Variants in FAM53B observed in about 807,000 individuals in gnomAD.
The protein encoded by FAM53B is family with sequence similarity 53 member B, also known as protein FAM53B.
In FAM53B, 12 loss-of-function variants were observed where a neutral mutation model predicts 32.7. The ratio of observed to expected loss-of-function variants is 0.37; its 90% CI spans 0.24 to 0.59. FAM53B has a LOEUF of 0.59. Ranked by LOEUF, FAM53B falls within the 20% of genes least tolerant of loss-of-function variation. The probability of loss-of-function intolerance (pLI) is 0.72; values close to 1 mark genes in which losing one functional copy is unlikely to be tolerated. For missense variants in FAM53B, 477 were observed against 577.7 expected (o/e 0.83, Z 1.79); for synonymous variants, 234 against 228.7 (o/e 1.02, Z -0.21).
At chr10:124,734,481 A>T (rs1589768322) in intron 1 of FAM53B, among the ~76,000 whole-genome samples, 1 of 152,172 alleles carries the variant, frequency 6.6e-6, no homozygotes, top group South Asian at 2.1e-4. Context: ...CATCCATGAG[A>T]CCAGAGGCAG....
At chr10:124,734,260 C>T (rs1950161922) in intron 1 of FAM53B, among the ~76,000 whole-genome samples, 1 of 152,248 alleles carries the variant, frequency 6.6e-6, no homozygotes, top group Admixed American at 6.5e-5. Flanking sequence ...TAAAATCAGA[C>T]ATTCGGTAGA....
In FAM53B at chr10:124,693,402, G is replaced by A. The variant is rs146767257; in HGVS notation, c.133+2756C>T. Among the ~76,000 whole-genome samples the A allele has an allele frequency of 2.2e-3, 335 of 151,836 alleles. 3 individuals carry two copies. The highest frequency in any genetic ancestry group is 7.4e-3 in the African/African-American group (308 of 41,378). Reference sequence around the variant, plus strand: ...GGAGAACTGCTTGAACCTGGGAGGCGGACGTTGCCGTGGGCCAAGATCACA... The same window carrying A: ...GGAGAACTGCTTGAACCTGGGAGGCAGACGTTGCCGTGGGCCAAGATCACA... On this transcript the variant is annotated intron_variant, in intron 3 of 4. Transcript: ENST00000337318.
intron 1 of FAM53B, among the ~76,000 whole-genome samples, chr10:124,711,618 A>G (rs1195062915): frequency 6.6e-6 from 1 of 152,248 alleles, no homozygotes; most frequent in Non-Finnish European, 1.5e-5. Context: ...TATGCTATAT[A>G]TAAGTTTTTA....
chr10:124,695,900 G>A (rs918335328), intron 3 of FAM53B, among the ~76,000 whole-genome samples: 1 of 152,194 alleles, frequency 6.6e-6, no homozygotes. Flanking sequence ...TGCATTTTCT[G>A]AATGAAAAAA....
intron 4 of FAM53B, among the ~76,000 whole-genome samples, chr10:124,652,535 C>T (rs1340930649): frequency 1.3e-5 from 2 of 152,214 alleles, no homozygotes; most frequent in Non-Finnish European, 2.9e-5. Context: ...CCAGCCACTT[C>T]CCTCCTCTGG....
chr10:124,654,683 TAC>T (rs907611917), intron 4 of FAM53B, among the ~76,000 whole-genome samples: 2 of 152,126 alleles, frequency 1.3e-5, no homozygotes, highest in African/African-American at 4.8e-5. Context: ...TCCCTTCCAC[TAC>T]AGAGGAAGGG....
intron 1 of FAM53B, among the ~76,000 whole-genome samples, chr10:124,736,199 G>A (rs1348426067): frequency 6.6e-6 from 1 of 152,258 alleles, no homozygotes; most frequent in African/African-American, 2.4e-5. Flanking sequence ...GACCAGCAAG[G>A]TGAGAAATCA....
At chr10:124,625,333 T>TG (rs1201716711) in intron 4 of FAM53B, among the ~76,000 whole-genome samples, 3 of 152,126 alleles carry the variant, frequency 2.0e-5, no homozygotes, top group African/African-American at 7.2e-5. Context: ...GCTGAGGTGT[T>TG]GGGGGGAGCT....
At chr10:124,687,344 T>G (rs970541938) in intron 3 of FAM53B, among the ~76,000 whole-genome samples, 1 of 151,720 alleles carries the variant, frequency 6.6e-6, no homozygotes, top group Admixed American at 6.6e-5. Flanking sequence ...CAAGTCACAA[T>G]TGTCATGGAT....
chr10:124,665,516 G>C (rs777177640), intron 4 of FAM53B, among the ~76,000 whole-genome samples: 5 of 152,206 alleles, frequency 3.3e-5, no homozygotes, highest in Non-Finnish European at 5.9e-5. Flanking sequence ...AACTCAAAAC[G>C]TGCCCCTCGC....
intron 3 of FAM53B, among the ~76,000 whole-genome samples, chr10:124,687,893 A>T (rs1296427251): frequency 6.6e-6 from 1 of 152,228 alleles, no homozygotes; most frequent in Non-Finnish European, 1.5e-5. Flanking sequence ...ACCATCCAGC[A>T]CCACTGCCCA....
chr10:124,730,487 C>T (rs1254560308), intron 1 of FAM53B, among the ~76,000 whole-genome samples: 1 of 152,238 alleles, frequency 6.6e-6, no homozygotes, highest in Non-Finnish European at 1.5e-5. Context: ...AGTCAACAAA[C>T]TAATTTTCAA....
rs538788458 is a variant in FAM53B at position 124,715,034 on chromosome 10, AGTCT to A, written c.-174-8151_-174-8148del. Among the ~76,000 whole-genome samples the A allele has an allele frequency of 1.2e-3, 180 of 152,310 alleles. No individual in the cohort carries two copies. The South Asian group carries it at 0.018, about 16-fold the overall frequency. On this transcript the variant is annotated intron_variant, in intron 1 of 4. Coordinates refer to ENST00000337318, the MANE Select transcript of FAM53B (RefSeq NM_014661.4). ...TCAACCCACATCTACAGAACTCCAA[AGTCT>A]GTCTTAACCCCTGGACCCCACTACT...
chr10:124,654,329 G>C (rs1216536171), intron 4 of FAM53B, among the ~76,000 whole-genome samples: 1 of 152,226 alleles, frequency 6.6e-6, no homozygotes, highest in African/African-American at 2.4e-5. Flanking sequence ...GGTCTGAGCG[G>C]ACTTCCTCTC....
rs746807181 is a variant in FAM53B at position 124,682,620 on chromosome 10, C to G, written c.134-241G>C. The stretch of plus-strand genomic sequence containing the variant: ...CAGGGCCTAGAATCCAGATATACCC[C>G]TGGGACTCCTGATATGGTTTTCTTT... On this transcript the variant is annotated intron_variant, in intron 3 of 4. Transcript: ENST00000337318. The surrounding 1 kb of genome is among the most constrained non-coding windows in gnomAD (Gnocchi z 5.2). Among the ~76,000 whole-genome samples, 6 of 152,200 alleles carry G rather than the reference C, an allele frequency of 3.9e-5. No individual in the cohort carries two copies. Among genetic ancestry groups the G allele is most frequent in the Non-Finnish European group, 5.9e-5 (4 of 68,036 alleles).
At chr10:124,699,379 C>T (rs1589754770) in intron 2 of FAM53B, among the ~76,000 whole-genome samples, 1 of 152,346 alleles carries the variant, frequency 6.6e-6, no homozygotes. Context: ...GCTGGCCTCA[C>T]GCAAAGTCAA....
chr10:124,623,520 T>C lies in FAM53B; in HGVS notation c.991A>G (p.Ser331Gly). 1 of 1,595,106 alleles carries C rather than the reference T, an allele frequency of 6.3e-7. No homozygotes were observed. Among genetic ancestry groups the C allele is most frequent in the South Asian group, 1.1e-5 (1 of 89,004 alleles). The stretch of plus-strand genomic sequence containing the variant: ...AGGGCGGTCCAGGCCCTGGTGTTGC[T>C]GACGTGGCGGGCGAAGGGGCTCTGG... ...GPQSPFARHV[S>G]NTRAWTALLS... Residue 331 changes from serine (S) to glycine (G), a missense_variant, in exon 5 of 5, where the codon AGC becomes GGC. This residue lies in a region of FAM53B where 165 missense variants were observed against 157.5 expected (regional missense o/e 1.05). Transcript: ENST00000337318.
chr10:124,722,682 A>AT (rs1950076576), intron 1 of FAM53B, among the ~76,000 whole-genome samples: 1 of 152,252 alleles, frequency 6.6e-6, no homozygotes, highest in Non-Finnish European at 1.5e-5. Context: ...AATATAAAAA[A>AT]TACTGTATTT....
intron 1 of FAM53B, among the ~76,000 whole-genome samples, chr10:124,738,184 A>G (rs540033046): frequency 5.3e-5 from 8 of 152,114 alleles, no homozygotes; most frequent in East Asian, 1.9e-4. Context: ...GCTAAGGAAT[A>G]GGGAAACTAA....
Sources: gnomAD v4.1 joint callset for allele counts (sites outside exome capture counted in the v4.1 genomes callset) on GRCh38, gnomAD v4.1.1 for gene constraint, gnomAD v4.1.1 regional missense constraint, Gnocchi (gnomAD v3.1) non-coding constraint, MANE v1.5 for transcripts, NCBI Gene and HGNC (gene_info 2026-07-23, HGNC 2026-07-21) for gene names.